The following ACSL6 variants were observed in gnomAD, a reference collection of about 807,000 sequenced individuals.
The protein encoded by ACSL6 is long-chain-fatty-acid--CoA ligase 6.
Under a neutral mutation model 98.2 loss-of-function variants are expected in ACSL6, and 47 were observed. The ratio of observed to expected loss-of-function variants is 0.48; its 90% CI spans 0.38 to 0.61. The LOEUF is 0.61. ACSL6 is among the 20% of genes least tolerant of loss of function. The pLI is 0.00. For synonymous variants in ACSL6, 362 were observed against 336.9 expected (o/e 1.07, Z -0.82); for missense variants, 761 against 913.4 (o/e 0.83, Z 2.15).
chr5:131,976,118 A>G, intron 10 of ACSL6: 1 of 985,470 alleles, frequency 1.0e-6, no homozygotes, highest in Non-Finnish European at 1.2e-6. Flanking sequence ...TTTGTTAGCC[A>G]GTTATAAAAT....
At chr5:131,960,842 T>A in intron 18 of ACSL6, 1 of 445,612 alleles carries the variant, frequency 2.2e-6, no homozygotes, top group Non-Finnish European at 4.0e-6. Flanking sequence ...ACATTAAGAA[T>A]CAGTAAAGTT....
intron 7 of ACSL6, among the ~76,000 whole-genome samples, chr5:131,987,512 G>A (rs1001484087): frequency 2.0e-5 from 3 of 152,204 alleles, no homozygotes; most frequent in South Asian, 2.1e-4. Flanking sequence ...GGCATAGTGG[G>A]GGGTCAGCTG....
At chr5:132,004,028 C>T (rs1755242459) in intron 1 of ACSL6, among the ~76,000 whole-genome samples, 1 of 152,132 alleles carries the variant, frequency 6.6e-6, no homozygotes, top group East Asian at 1.9e-4. Context: ...CCCTGCAGTG[C>T]ACAGAGAGGA....
intron 1 of ACSL6, among the ~76,000 whole-genome samples, chr5:131,998,529 G>C (rs1754904997): frequency 6.6e-6 from 1 of 152,194 alleles, no homozygotes; most frequent in South Asian, 2.1e-4. Flanking sequence ...TGGTGGGGTG[G>C]CAGAAGCAAA....
chr5:132,011,416 C>T lies in ACSL6; in HGVS notation c.49+89G>A, dbSNP rs1755721513. 3 of 1,411,776 alleles carry T rather than the reference C, an allele frequency of 2.1e-6. No homozygotes were observed. The highest frequency in any genetic ancestry group is 1.2e-5 in the South Asian group (1 of 84,778). The allele number at this position is 1,411,776 out of a possible 1,614,324, so 87.5% of individuals were successfully genotyped here. The stretch of plus-strand genomic sequence containing the variant: ...GCAGCAGGGGATGGGGGCTCGGCGG[C>T]CGCGGAGATGTAACACCTCCACCTC... On this transcript the variant is annotated intron_variant, in intron 1 of 20. Transcript: ENST00000651883. The surrounding 1 kb of genome is among the most constrained non-coding windows in gnomAD (Gnocchi z 5.4).
At position 132,011,496 on chromosome 5, in the gene ACSL6, G is replaced by A. The variant is rs1261045708; in HGVS notation, c.49+9C>T. The A allele has an allele frequency of 1.2e-6, 2 of 1,610,282 alleles. No homozygotes were observed. The highest frequency in any genetic ancestry group is 1.7e-6 in the Non-Finnish European group (2 of 1,178,294). ...GGGAGTCCGGGACGCGGACAGGACG[G>A]GCACTTACCTACGAATAGCCAGAGG... On this transcript the variant is annotated intron_variant, in intron 1 of 20. Coordinates refer to ENST00000651883, the MANE Select transcript of ACSL6 (RefSeq NM_001009185.3). The surrounding 1 kb of genome is among the most constrained non-coding windows in gnomAD (Gnocchi z 5.4).
At position 131,988,030 on chromosome 5, in the gene ACSL6, C is replaced by T; in HGVS notation, c.831+18G>A. ...AGCCAGCAGTAGCCCAGCAAACCGC[C>T]CAGAAGCAGACCCTCACCTCCACGG... On this transcript the variant is annotated intron_variant, in intron 7 of 20. Transcript: ENST00000651883. The T allele has an allele frequency of 6.2e-7, 1 of 1,611,150 alleles. No homozygotes were observed. Among genetic ancestry groups the T allele is most frequent in the South Asian group, 1.1e-5 (1 of 90,668 alleles).
chr5:131,993,511 C>T (rs929175219), intron 2 of ACSL6: 2 of 157,976 alleles, frequency 1.3e-5, no homozygotes, highest in African/African-American at 4.8e-5. Flanking sequence ...AAATAAATTC[C>T]ATAAGCTTAA....
At chr5:131,999,279 CAG>C (rs1754943522) in intron 1 of ACSL6, 1 of 152,254 alleles carries the variant, frequency 6.6e-6, no homozygotes, top group Non-Finnish European at 1.5e-5. Flanking sequence ...AGCTCATGGA[CAG>C]AGAGTGCAGT....
intron 14 of ACSL6, 39 bp from the exon 15 acceptor site, chr5:131,970,239 C>T (rs1460556194): frequency 6.2e-7 from 1 of 1,600,748 alleles, no homozygotes; most frequent in Non-Finnish European, 8.6e-7. Context: ...TGGGCACACA[C>T]CCTCCAAGAG....
chr5:131,966,334 G>T, intron 17 of ACSL6, 82 bp downstream of exon 17: 1 of 1,360,780 alleles, frequency 7.3e-7, no homozygotes. Flanking sequence ...GGGATTTGGA[G>T]AAGACTCCTG....
chr5:132,000,014 G>T (rs1340900588), intron 1 of ACSL6, among the ~76,000 whole-genome samples: 1 of 151,986 alleles, frequency 6.6e-6, no homozygotes, highest in South Asian at 2.1e-4. Context: ...TGTAGGGGGT[G>T]GGGGGTGACA....
At chr5:131,992,462 C>T (rs1754577319) in intron 2 of ACSL6, among the ~76,000 whole-genome samples, 1 of 152,204 alleles carries the variant, frequency 6.6e-6, no homozygotes, top group Non-Finnish European at 1.5e-5. Context: ...GGTGCAGCCA[C>T]TCTGGCTTTC....
At chr5:131,959,469 C>T (rs981949075) in intron 20 of ACSL6, 67 bp downstream of exon 20, 11 of 1,533,146 alleles carry the variant, frequency 7.2e-6, no homozygotes, top group Non-Finnish European at 8.1e-6. Flanking sequence ...TCAGGGTCAC[C>T]ATGGGTTAAT....
chr5:131,961,669 C>T (rs1328346359), intron 18 of ACSL6, among the ~76,000 whole-genome samples: 1 of 151,952 alleles, frequency 6.6e-6, no homozygotes, highest in Non-Finnish European at 1.5e-5. Context: ...TGCACTCCAG[C>T]CTGGGTGACA....
chr5:131,994,623 T>C (rs1276445509), intron 1 of ACSL6: 2 of 297,524 alleles, frequency 6.7e-6, no homozygotes, highest in Non-Finnish European at 1.3e-5. Context: ...ACAGCTGTCA[T>C]AGCATTTTAC....
At chr5:131,993,249 G>T (rs1754620036) in intron 2 of ACSL6, 1 of 152,358 alleles carries the variant, frequency 6.6e-6, no homozygotes, top group Admixed American at 6.5e-5. Flanking sequence ...GCACTGTCAA[G>T]AGCAAAAGGC....
chr5:131,989,342 C>A, intron 5 of ACSL6, 65 bp downstream of exon 5: 12 of 1,464,904 alleles, frequency 8.2e-6, no homozygotes, highest in Non-Finnish European at 9.5e-6. Flanking sequence ...GAAAGCAGGA[C>A]TATTCCATGG....
chr5:131,964,864 C>G (rs1752925143), intron 17 of ACSL6, among the ~76,000 whole-genome samples: 1 of 152,224 alleles, frequency 6.6e-6, no homozygotes, highest in Non-Finnish European at 1.5e-5. Flanking sequence ...GATTGTCCTT[C>G]CCAATCCCAC....
Sources: gnomAD v4.1 joint callset for allele counts (sites outside exome capture counted in the v4.1 genomes callset) on GRCh38, gnomAD v4.1.1 for gene constraint, Gnocchi (gnomAD v3.1) non-coding constraint, MANE v1.5 for transcripts, NCBI Gene and HGNC (gene_info 2026-07-23, HGNC 2026-07-21) for gene names.